COL12A1: variants seen among roughly 807,000 people sequenced by gnomAD.
The protein encoded by COL12A1 is collagen type XII alpha 1 chain, also known as collagen alpha-1(XII) chain.
COL12A1 carries 114 observed loss-of-function variants against 349.7 expected under a neutral mutation model. The observed-to-expected ratio is 0.33, with a 90% CI of 0.28 to 0.38. The LOEUF (loss-of-function observed/expected upper bound fraction) is 0.38. Among genes scored for constraint, COL12A1 ranks in the 10% least tolerant of loss-of-function variants. The pLI is 1.00. For missense variants in COL12A1, 3,284 were observed against 3,756.9 expected (o/e 0.87, Z 3.29); for synonymous variants, 1,369 against 1,329.0 (o/e 1.03, Z -0.66).
chr6:75,138,319 C>T lies in COL12A1; in HGVS notation c.5251+1G>A. The T allele has an allele frequency of 6.2e-7, 1 of 1,607,906 alleles. No individual in the cohort carries two copies. Among genetic ancestry groups the T allele is most frequent in the East Asian group, 2.2e-5 (1 of 44,804 alleles). On this transcript the variant is annotated splice_donor_variant, in intron 30 of 65. Transcript: ENST00000322507. LOFTEE classifies it high-confidence loss of function. ...AACAATTCATCAAATTAAATTCTTA[C>T]CTTGTGTTGTTAAGATAGGCACTAA...
rs1182630855 is a variant in COL12A1 at position 75,116,072 on chromosome 6, GT to G, written c.7520-16del. 1 of 1,612,620 alleles carries G rather than the reference GT, an allele frequency of 6.2e-7. No individual in the cohort carries two copies. The highest frequency in any genetic ancestry group is 8.5e-7 in the Non-Finnish European group (1 of 1,179,118). ...GAGAGGACAACCTGCAATGTACAGT[GT>G]TCTTTAAGTATGATTCACCAACACG... On this transcript the variant is annotated splice_polypyrimidine_tract_variant and intron_variant, in intron 47 of 65. Transcript: ENST00000322507.
Position 75,194,964 on chromosome 6 carries a change from T to G in COL12A1, c.74-17A>C, listed in dbSNP as rs771482400. ...GTGGGTCAACTGCAAAAGAGAGAGT[T>G]TATATTATTAAACTTTTCAATGTCA... On this transcript the variant is annotated splice_polypyrimidine_tract_variant and intron_variant, in intron 2 of 65. Transcript: ENST00000322507. 1 of 1,432,522 alleles carries G rather than the reference T, an allele frequency of 7.0e-7. No individual in the cohort carries two copies. The highest frequency in any genetic ancestry group is 1.8e-5 in the Admixed American group (1 of 54,728). 88.7% of individuals were successfully genotyped at this position (1,432,522 alleles called of 1,614,324 possible).
chr6:75,176,028 T>C (rs1195353471), intron 12 of COL12A1, among the ~76,000 whole-genome samples: 1 of 152,188 alleles, frequency 6.6e-6, no homozygotes, highest in Non-Finnish European at 1.5e-5. Context: ...TAAAGAGGTA[T>C]TGGGTCACAT....
At chr6:75,150,862 C>T (rs1767443790) in intron 21 of COL12A1, among the ~76,000 whole-genome samples, 1 of 151,978 alleles carries the variant, frequency 6.6e-6, no homozygotes, top group Non-Finnish European at 1.5e-5. Flanking sequence ...CATTGAGGTG[C>T]CATCACGAGA....
chr6:75,101,498 A>C lies in COL12A1; in HGVS notation c.8523+102T>G, dbSNP rs912745804. On this transcript the variant is annotated intron_variant, in intron 58 of 65. Coordinates refer to ENST00000322507, the MANE Select transcript of COL12A1 (RefSeq NM_004370.6). ...GCAGCTTTGCAGCTTTCCACAAGAT[A>C]TATTACCAGCCTTGCAAACTGGATT... is the stretch of plus-strand genomic sequence containing the variant. 7 of 1,121,946 alleles carry C rather than the reference A, an allele frequency of 6.2e-6. No homozygotes were observed. The African/African-American group carries it at 1.1e-4, about 18-fold the overall frequency. The allele number at this position is 1,121,946 out of a possible 1,614,324, so 69.5% of individuals were successfully genotyped here.
At chr6:75,132,817 C>CA (rs1369984725) in intron 34 of COL12A1, among the ~76,000 whole-genome samples, 1 of 152,110 alleles carries the variant, frequency 6.6e-6, no homozygotes, top group Non-Finnish European at 1.5e-5. Context: ...AGCAATACTA[C>CA]AAAAAACAGT....
At chr6:75,145,174 G>T (rs1426817773) in intron 25 of COL12A1, 152 bp downstream of exon 25, 3 of 787,032 alleles carry the variant, frequency 3.8e-6, no homozygotes, top group Non-Finnish European at 5.4e-6. Flanking sequence ...ATCTAGAATT[G>T]AGACATTTAT....
chr6:75,151,128 G>A lies in COL12A1; in HGVS notation c.4147+13C>T, dbSNP rs1317253511. Reference sequence around the variant, plus strand: ...AGCAGTGCTGAGGGAGAGAAACTCTGGGTTAAACTTACCTGGACCTTTGAC... The same window carrying A: ...AGCAGTGCTGAGGGAGAGAAACTCTAGGTTAAACTTACCTGGACCTTTGAC... On this transcript the variant is annotated intron_variant, in intron 21 of 65. Coordinates refer to ENST00000322507, the MANE Select transcript of COL12A1 (RefSeq NM_004370.6). 6.5e-7 allele frequency: 1 copy of A among 1,535,378 alleles called. No homozygotes were observed. Among genetic ancestry groups the A allele is most frequent in the Non-Finnish European group, 8.8e-7 (1 of 1,137,156 alleles).
intron 26 of COL12A1, among the ~76,000 whole-genome samples, chr6:75,142,727 T>A (rs1300941809): frequency 1.3e-5 from 2 of 152,214 alleles, no homozygotes; most frequent in Admixed American, 1.3e-4. Flanking sequence ...TGCTGGTTCA[T>A]GAAGCCCTTC....
chr6:75,085,309 G>A lies in COL12A1; in HGVS notation c.*1238C>T, dbSNP rs944805199. ...TCCGCTGTCCGCTCGGGCTCCACCG[G>A]CACGATGAAGGGCTCGCGCTCAGGC... On this transcript the variant is annotated 3_prime_UTR_variant, in exon 66 of 66. Transcript: ENST00000322507. The A allele has an allele frequency of 2.1e-6, 1 of 470,976 alleles. No homozygotes were observed. The allele number at this position is 470,976 out of a possible 1,614,324, so 29.2% of individuals were successfully genotyped here.
chr6:75,139,012 T>G, intron 27 of COL12A1, 51 bp from the exon 28 acceptor site: 1 of 1,602,316 alleles, frequency 6.2e-7, no homozygotes, highest in Middle Eastern at 1.7e-4. Flanking sequence ...GAGCTGCAAA[T>G]GCAATTTAAT....
chr6:75,151,190 C>A lies in COL12A1; in HGVS notation c.4098G>T (p.Arg1366Ser). The change falls in exon 21 of 66, where the codon AGG (arginine) becomes AGT (serine). Residue 1366 changes from arginine to serine, a missense_variant. Arg to Ser is a moderately radical substitution (Grantham distance 110, BLOSUM62 -1). Coordinates refer to ENST00000322507, the MANE Select transcript of COL12A1 (RefSeq NM_004370.6). Reference sequence around the variant, plus strand: ...AATTAATGGTGAGATCATCCACTATCCTGGAGAGTGACTCAAAATCTGCCA... The same window carrying A: ...AATTAATGGTGAGATCATCCACTATACTGGAGAGTGACTCAAAATCTGCCA... ...YNVADFESLS[R>S]IVDDLTINLC... 3 of 1,613,316 alleles carry A rather than the reference C, an allele frequency of 1.9e-6. No homozygotes were observed. Among genetic ancestry groups the A allele is most frequent in the Non-Finnish European group, 2.5e-6 (3 of 1,179,554 alleles).
intron 43 of COL12A1, among the ~76,000 whole-genome samples, chr6:75,122,592 A>C (rs191801287): frequency 7.2e-4 from 109 of 152,332 alleles, no homozygotes; most frequent in Non-Finnish European, 1.2e-3. Context: ...AAAGGAATCC[A>C]TTATTATTTT....
rs993128615 is a variant in COL12A1, at chr6:75,090,998, T to G, written c.8752+325A>C. 2.6e-5 allele frequency among the ~76,000 whole-genome samples: 4 copies of G among 152,096 alleles called. No individual in the cohort carries two copies. Among genetic ancestry groups the G allele is most frequent in the Non-Finnish European group, 5.9e-5 (4 of 68,002 alleles). On this transcript the variant is annotated intron_variant, in intron 62 of 65. Transcript: ENST00000322507. This position sits in a 1 kb window ranked among gnomAD's most constrained non-coding sequence, Gnocchi z 4.1. Reference sequence around the variant, plus strand: ...AGAGAGTTTCCTACCAAAATCAACTTTCACTGATCAAATTCATCTTGGTGG... The same window carrying G: ...AGAGAGTTTCCTACCAAAATCAACTGTCACTGATCAAATTCATCTTGGTGG...
At position 75,085,922 on chromosome 6, in the gene COL12A1, T is replaced by C. The variant is rs1430240714; in HGVS notation, c.*625A>G. 1.3e-5 allele frequency: 2 copies of C among 153,680 alleles called. No individual in the cohort carries two copies. Among genetic ancestry groups the C allele is most frequent in the African/African-American group, 4.8e-5 (2 of 41,440 alleles). 9.5% of individuals were successfully genotyped at this position (153,680 alleles called of 1,614,324 possible). ...AGGAAGAAAAGGTGATTTTAAACTTTGGTTTGAAAATTGCAGTTACAAAAC... is the reference window on the plus strand; with the variant it reads ...AGGAAGAAAAGGTGATTTTAAACTTCGGTTTGAAAATTGCAGTTACAAAAC... On this transcript the variant is annotated 3_prime_UTR_variant, in exon 66 of 66. Transcript: ENST00000322507.
chr6:75,111,884 A>G (rs1390415781), intron 51 of COL12A1, among the ~76,000 whole-genome samples: 2 of 151,498 alleles, frequency 1.3e-5, no homozygotes, highest in African/African-American at 4.8e-5. Flanking sequence ...AGAGTCCTTT[A>G]CCATCCTTAT....
At chr6:75,196,922 T>C (rs1302548023) in intron 2 of COL12A1, among the ~76,000 whole-genome samples, 1 of 152,148 alleles carries the variant, frequency 6.6e-6, no homozygotes, top group East Asian at 1.9e-4. Flanking sequence ...AACTGAAAAA[T>C]TGACTGTGGG....
intron 39 of COL12A1, among the ~76,000 whole-genome samples, chr6:75,125,951 C>G (rs1032697303): frequency 6.6e-6 from 1 of 152,042 alleles, no homozygotes; most frequent in African/African-American, 2.4e-5. Context: ...GATTTGAAAG[C>G]AAGGCTGTCA....
At chr6:75,149,588 T>C (rs1248656953) in intron 21 of COL12A1, among the ~76,000 whole-genome samples, 2 of 152,122 alleles carry the variant, frequency 1.3e-5, no homozygotes, top group Non-Finnish European at 2.9e-5. Context: ...GCTCAATATG[T>C]CTAACAGGAA....
Sources: gnomAD v4.1 joint callset for allele counts (sites outside exome capture counted in the v4.1 genomes callset) on GRCh38, gnomAD v4.1.1 for gene constraint, Gnocchi (gnomAD v3.1) non-coding constraint, MANE v1.5 for transcripts, NCBI Gene and HGNC (gene_info 2026-07-23, HGNC 2026-07-21) for gene names.